RABGAP1L: variants seen among roughly 807,000 people sequenced by gnomAD.
The protein encoded by RABGAP1L is rab GTPase-activating protein 1-like.
In RABGAP1L, 63 loss-of-function variants were observed where a neutral mutation model predicts 137.7. That is an observed-to-expected ratio of 0.46 (90% CI 0.37 to 0.56). The LOEUF (loss-of-function observed/expected upper bound fraction) is 0.56, where lower values mean the gene tolerates loss of function less well. Among genes scored for constraint, RABGAP1L ranks in the 20% least tolerant of loss-of-function variants. The pLI is 0.00. For synonymous variants in RABGAP1L, 431 were observed against 433.7 expected, an observed-to-expected ratio of 0.99 and a Z score of 0.08; for missense variants, 1,095 against 1,244.0, an observed-to-expected ratio of 0.88 and a Z score of 1.80.
chr1:174,928,242 C>T (rs1260235172), intron 19 of RABGAP1L, among the ~76,000 whole-genome samples: 1 of 152,104 alleles, frequency 6.6e-6, no homozygotes, highest in African/African-American at 2.4e-5. Flanking sequence ...GCCTTATCTA[C>T]CTCCATAATA....
At chr1:174,475,770 C>CT (rs1244871471) in intron 13 of RABGAP1L, among the ~76,000 whole-genome samples, 2 of 39,482 alleles carry the variant, frequency 5.1e-5, no homozygotes, top group African/African-American at 2.3e-4. Context: ...GACCCCGTGT[C>CT]TTAAAAAAAA....
intron 5 of RABGAP1L, among the ~76,000 whole-genome samples, chr1:174,248,460 TA>T (rs1672444973): frequency 6.6e-6 from 1 of 152,210 alleles, no homozygotes; most frequent in Admixed American, 6.5e-5. Context: ...GATAGCATGG[TA>T]AAATAATGAA....
intron 11 of RABGAP1L, among the ~76,000 whole-genome samples, chr1:174,339,288 T>C (rs1425983686): frequency 6.6e-6 from 1 of 152,180 alleles, no homozygotes; most frequent in Non-Finnish European, 1.5e-5. Flanking sequence ...AGAAAATCTC[T>C]ATGAAAGGAA....
At chr1:174,363,716 A>G (rs1021047621) in intron 11 of RABGAP1L, among the ~76,000 whole-genome samples, 6 of 151,894 alleles carry the variant, frequency 4.0e-5, no homozygotes, top group African/African-American at 1.2e-4. Flanking sequence ...ATTGAGGTAT[A>G]TTTCTTCTAT....
intron 13 of RABGAP1L, among the ~76,000 whole-genome samples, chr1:174,446,448 A>G (rs1337807386): frequency 6.6e-6 from 1 of 152,232 alleles, no homozygotes; most frequent in Non-Finnish European, 1.5e-5. Flanking sequence ...TTTCTAATGC[A>G]TGTTATTTCT....
At chr1:174,492,347 ATT>A (rs1273015833) in intron 13 of RABGAP1L, among the ~76,000 whole-genome samples, 13 of 123,980 alleles carry the variant, frequency 1.0e-4, no homozygotes, top group Middle Eastern at 4.2e-3. Flanking sequence ...CGCCTGACTA[ATT>A]TTTTTTTTTT....
chr1:174,196,832 A>G (rs543056841), intron 1 of RABGAP1L, among the ~76,000 whole-genome samples: 15 of 152,286 alleles, frequency 9.8e-5, no homozygotes, highest in African/African-American at 3.1e-4. Flanking sequence ...GCTAGTATCC[A>G]TAATTTGAAT....
intron 13 of RABGAP1L, among the ~76,000 whole-genome samples, chr1:174,435,171 C>A (rs1404348940): frequency 6.6e-6 from 1 of 152,040 alleles, no homozygotes; most frequent in East Asian, 1.9e-4. Context: ...AGGTGTGCAC[C>A]ACCACACCCA....
intron 13 of RABGAP1L, among the ~76,000 whole-genome samples, chr1:174,411,324 A>G (rs1649903082): frequency 6.6e-6 from 1 of 152,106 alleles, no homozygotes; most frequent in African/African-American, 2.4e-5. Context: ...CTCAAGGGGA[A>G]TGCTTTCAGT....
intron 13 of RABGAP1L, among the ~76,000 whole-genome samples, chr1:174,612,904 C>G (rs993483756): frequency 6.6e-6 from 1 of 151,422 alleles, no homozygotes; most frequent in Non-Finnish European, 1.5e-5. Context: ...GTGGTGATAT[C>G]CCCTTTATCA....
At chr1:174,889,457 G>A (rs1352697442) in intron 19 of RABGAP1L, among the ~76,000 whole-genome samples, 1 of 152,090 alleles carries the variant, frequency 6.6e-6, no homozygotes, top group Admixed American at 6.5e-5. Context: ...TTCTCTCTCT[G>A]TTACCCAGTC....
intron 12 of RABGAP1L, among the ~76,000 whole-genome samples, chr1:174,372,431 T>G (rs1400178479): frequency 2.6e-5 from 4 of 152,140 alleles, no homozygotes; most frequent in Non-Finnish European, 5.9e-5. Context: ...AAAAATTTTT[T>G]TTAACTTTTT....
chr1:174,581,677 C>T (rs1031914899), intron 13 of RABGAP1L, among the ~76,000 whole-genome samples: 3 of 151,968 alleles, frequency 2.0e-5, no homozygotes, highest in Admixed American at 6.6e-5. Flanking sequence ...ACGCTTTAAA[C>T]GGGTAAATTT....
intron 1 of RABGAP1L, among the ~76,000 whole-genome samples, chr1:174,188,684 T>C (rs1666987758): frequency 6.6e-6 from 1 of 152,200 alleles, no homozygotes; most frequent in Admixed American, 6.6e-5. Flanking sequence ...AGTGACCAGG[T>C]GCATTGTAAA....
intron 13 of RABGAP1L, among the ~76,000 whole-genome samples, chr1:174,605,102 T>C (rs943076514): frequency 1.3e-5 from 2 of 151,966 alleles, no homozygotes; most frequent in African/African-American, 4.8e-5. Flanking sequence ...GATCACACCA[T>C]TGCACTCCAG....
At chr1:174,560,966 T>A (rs986479510) in intron 13 of RABGAP1L, among the ~76,000 whole-genome samples, 1 of 152,236 alleles carries the variant, frequency 6.6e-6, no homozygotes, top group Non-Finnish European at 1.5e-5. Flanking sequence ...CAATTAGTCT[T>A]ATTTTGCCAC....
At chr1:174,199,728 T>C (rs989453321) in intron 1 of RABGAP1L, among the ~76,000 whole-genome samples, 1 of 152,218 alleles carries the variant, frequency 6.6e-6, no homozygotes, top group Non-Finnish European at 1.5e-5. Context: ...AAATCTTAAA[T>C]AGGGCAAATT....
At chr1:174,441,839 T>A (rs912153797) in intron 13 of RABGAP1L, among the ~76,000 whole-genome samples, 2 of 151,756 alleles carry the variant, frequency 1.3e-5, no homozygotes, top group Non-Finnish European at 2.9e-5. Context: ...CTGAAGCTTT[T>A]TTTTTTTTTT....
intron 19 of RABGAP1L, among the ~76,000 whole-genome samples, chr1:174,921,426 CT>C (rs2149228989): frequency 6.6e-6 from 1 of 152,290 alleles, no homozygotes; most frequent in East Asian, 1.9e-4. Context: ...TACAAACTTT[CT>C]TACCATTATC....
Sources: gnomAD v4.1 joint callset for allele counts (sites outside exome capture counted in the v4.1 genomes callset) on GRCh38, gnomAD v4.1.1 for gene constraint, MANE v1.5 for transcripts, NCBI Gene and HGNC (gene_info 2026-07-23, HGNC 2026-07-21) for gene names.